MACROD2: variants seen among roughly 807,000 people sequenced by gnomAD.
MACROD2 encodes ADP-ribose glycohydrolase MACROD2.
A neutral mutation model predicts 70.4 loss-of-function variants in MACROD2; 36 were observed. The observed-to-expected ratio is 0.51, with a 90% confidence interval of 0.39 to 0.68. MACROD2 has a LOEUF of 0.68. MACROD2 is among the 30% of genes least tolerant of loss of function. The probability of loss-of-function intolerance (pLI) is 0.00; values close to 1 mark genes in which losing one functional copy is unlikely to be tolerated. For synonymous variants in MACROD2, 172 were observed against 178.8 expected, an observed-to-expected ratio of 0.96 and a Z score of 0.30; for missense variants, 496 against 538.4, an observed-to-expected ratio of 0.92 and a Z score of 0.78.
At chr20:15,999,954 A>G (rs1314779160) in intron 15 of MACROD2, among the ~76,000 whole-genome samples, 1 of 152,238 alleles carries the variant, frequency 6.6e-6, no homozygotes, top group African/African-American at 2.4e-5. Flanking sequence ...TAGAATGCAG[A>G]CAAATGATTT....
intron 3 of MACROD2, among the ~76,000 whole-genome samples, chr20:14,130,036 G>A (rs900048109): frequency 4.6e-5 from 7 of 152,114 alleles, no homozygotes; most frequent in African/African-American, 1.4e-4. Flanking sequence ...CTGTAATTCG[G>A]TGTTCATAAA....
intron 6 of MACROD2, among the ~76,000 whole-genome samples, chr20:15,236,242 A>G (rs2077012959): frequency 6.6e-6 from 1 of 152,234 alleles, no homozygotes; most frequent in Non-Finnish European, 1.5e-5. Flanking sequence ...CAGAGGGCAC[A>G]GAGGTACACA....
intron 3 of MACROD2, among the ~76,000 whole-genome samples, chr20:14,242,880 C>T (rs546096938): frequency 6.6e-6 from 1 of 152,264 alleles, no homozygotes; most frequent in East Asian, 1.9e-4. Context: ...GATTTTCATC[C>T]ATTATTCTAA....
chr20:14,532,123 C>T (rs1385984142), intron 4 of MACROD2, among the ~76,000 whole-genome samples: 2 of 152,172 alleles, frequency 1.3e-5, no homozygotes, highest in East Asian at 1.9e-4. Context: ...TGTGCTTATG[C>T]TGAAGGACAA....
chr20:15,688,794 G>A (rs17625034), intron 8 of MACROD2, among the ~76,000 whole-genome samples: 14,416 of 152,136 alleles, frequency 0.095, 745 homozygotes, highest in South Asian at 0.18. Flanking sequence ...CAAGGGCAAG[G>A]AATTCACACA....
At position 16,041,298 on chromosome 20, in the gene MACROD2, G is replaced by C; in HGVS notation, c.1231+20G>C. The C allele has an allele frequency of 6.3e-7, 1 of 1,594,400 alleles. No homozygotes were observed. The highest frequency in any genetic ancestry group is 8.6e-7 in the Non-Finnish European group (1 of 1,166,532). ...CTGATGGTAAGGTTCTGAGCTATTGGAGCCCATGGAAACTACAAATCTGGC... is the reference window on the plus strand; with the variant it reads ...CTGATGGTAAGGTTCTGAGCTATTGCAGCCCATGGAAACTACAAATCTGGC... On this transcript the variant is annotated intron_variant, in intron 16 of 17. Coordinates refer to ENST00000684519, the MANE Select transcript of MACROD2 (RefSeq NM_001351661.2).
At chr20:15,226,191 A>G (rs564840924) in intron 5 of MACROD2, among the ~76,000 whole-genome samples, 3 of 152,180 alleles carry the variant, frequency 2.0e-5, no homozygotes, top group Non-Finnish European at 4.4e-5. Flanking sequence ...GAGGAGAGTG[A>G]CTTGCAGAAG....
intron 2 of MACROD2, among the ~76,000 whole-genome samples, chr20:14,006,409 A>G (rs1038879790): frequency 1.3e-5 from 2 of 152,174 alleles, no homozygotes; most frequent in East Asian, 1.9e-4. Context: ...GAAATCACAT[A>G]TGTCATATAA....
At chr20:15,656,376 ATG>A (rs1447059533) in intron 8 of MACROD2, among the ~76,000 whole-genome samples, 1 of 152,200 alleles carries the variant, frequency 6.6e-6, no homozygotes, top group Admixed American at 6.5e-5. Flanking sequence ...CAGCTATAAA[ATG>A]TGTGAGAACA....
intron 8 of MACROD2, among the ~76,000 whole-genome samples, chr20:15,538,742 AT>A (rs1157346146): frequency 1.3e-5 from 2 of 152,280 alleles, no homozygotes; most frequent in South Asian, 2.1e-4. Flanking sequence ...AAAACAATTG[AT>A]TTTTTTGTAA....
chr20:14,650,661 T>C (rs1043106633), intron 4 of MACROD2, among the ~76,000 whole-genome samples: 1 of 152,230 alleles, frequency 6.6e-6, no homozygotes, highest in African/African-American at 2.4e-5. Flanking sequence ...ATAACCTTAA[T>C]GGAGATTAGT....
chr20:15,929,264 T>G (rs1161038214), intron 10 of MACROD2, among the ~76,000 whole-genome samples: 2 of 152,198 alleles, frequency 1.3e-5, no homozygotes, highest in African/African-American at 4.8e-5. Context: ...CTTCTTGTCA[T>G]GGCAAATGTC....
chr20:14,569,101 A>G (rs1191491185), intron 4 of MACROD2, among the ~76,000 whole-genome samples: 7 of 152,078 alleles, frequency 4.6e-5, no homozygotes, highest in Non-Finnish European at 4.4e-5. Context: ...ATTCTCTTAC[A>G]ACCGGCAATC....
intron 5 of MACROD2, among the ~76,000 whole-genome samples, chr20:15,122,193 C>T (rs1311269168): frequency 6.6e-6 from 1 of 151,956 alleles, no homozygotes; most frequent in Non-Finnish European, 1.5e-5. Flanking sequence ...TCTTTGTGAC[C>T]CTGGCATTAA....
intron 5 of MACROD2, among the ~76,000 whole-genome samples, chr20:14,929,123 T>C (rs183832882): frequency 2.4e-4 from 37 of 152,250 alleles, no homozygotes; most frequent in Non-Finnish European, 1.0e-4. Flanking sequence ...AATGTGCGGA[T>C]TTTCTACACA....
chr20:16,010,968 T>G (rs2066855379), intron 15 of MACROD2, among the ~76,000 whole-genome samples: 1 of 152,236 alleles, frequency 6.6e-6, no homozygotes, highest in Admixed American at 6.5e-5. Context: ...ACATTTCAAA[T>G]GTGTGACAGG....
intron 8 of MACROD2, among the ~76,000 whole-genome samples, chr20:15,729,600 G>A (rs1293558404): frequency 6.6e-6 from 1 of 152,028 alleles, no homozygotes. Flanking sequence ...TAGGATATTA[G>A]GTATTCTAGT....
chr20:14,132,671 T>C (rs2054732966), intron 3 of MACROD2, among the ~76,000 whole-genome samples: 1 of 152,152 alleles, frequency 6.6e-6, no homozygotes, highest in Admixed American at 6.5e-5. Context: ...AAGATTTTAC[T>C]CTGGTGCCCA....
intron 5 of MACROD2, among the ~76,000 whole-genome samples, chr20:14,823,464 G>A (rs2072869589): frequency 6.6e-6 from 1 of 152,038 alleles, no homozygotes. Context: ...CTGGCAGAGT[G>A]GCTCAGCTGT....
Sources: gnomAD v4.1 joint callset for allele counts (sites outside exome capture counted in the v4.1 genomes callset) on GRCh38, gnomAD v4.1.1 for gene constraint, MANE v1.5 for transcripts, NCBI Gene and HGNC (gene_info 2026-07-23, HGNC 2026-07-21) for gene names.